The following AP5Z1 variants were observed in gnomAD, a reference collection of about 807,000 sequenced individuals.
AP5Z1 encodes the protein AP-5 complex subunit zeta-1.
In AP5Z1, 106 loss-of-function variants were observed where a neutral mutation model predicts 83.0. The observed-to-expected ratio is 1.28, with a 90% CI of 1.09 to 1.50. AP5Z1 has a LOEUF of 1.50. Among genes scored for constraint, AP5Z1 ranks in the 40% most tolerant of loss-of-function variants. The probability of loss-of-function intolerance (pLI) is 0.00; values close to 1 mark genes in which losing one functional copy is unlikely to be tolerated. For synonymous variants in AP5Z1, 751 were observed against 514.1 expected (o/e 1.46, Z -6.23); for missense variants, 1,565 against 1,094.2 (o/e 1.43, Z -6.07).
At position 4,787,671 on chromosome 7, in the gene AP5Z1, T is replaced by C. The variant is rs764872323; in HGVS notation, c.1349T>C (p.Phe450Ser). Residue 450 changes from phenylalanine (F) to serine (S), a missense_variant, in exon 11 of 17, where the codon TTT becomes TCT. Transcript: ENST00000649063. ...AACAGCCCACCCCTCACCTCCGAGT[T>C]TGTGGCGCTCCTCCCGGCCCTGGTG... ...AWNSPPLTSE[F>S]VALLPALVDA... 8.4e-6 allele frequency: 13 copies of C among 1,553,082 alleles called. No individual in the cohort carries two copies. The South Asian group carries it at 1.4e-4, about 17-fold the overall frequency.
intron 11 of AP5Z1, 39 bp from the exon 12 acceptor site, chr7:4,788,115 G>A (rs923351130): frequency 2.0e-6 from 3 of 1,491,548 alleles, no homozygotes; most frequent in Non-Finnish European, 2.7e-6. Flanking sequence ...GAGTGCAGGG[G>A]CCGCATCCCA....
At chr7:4,787,601 A>C (rs1445029397) in intron 10 of AP5Z1, 33 bp from the exon 11 acceptor site, 1 of 1,540,504 alleles carries the variant, frequency 6.5e-7, no homozygotes, top group East Asian at 2.5e-5. Flanking sequence ...CACAGCTCCG[A>C]GCCGTGTCCG....
Position 4,792,290 on chromosome 7 carries a change from C to T in AP5Z1, c.*905C>T, listed in dbSNP as rs1017530609. On this transcript the variant is annotated 3_prime_UTR_variant, in exon 17 of 17. Transcript: ENST00000649063. ...CGCCCCGAGAGCCTCACGCCCCGCC[C>T]CCAGGCTCAAACTCTTCCCCCTCCC... is the stretch of plus-strand genomic sequence containing the variant. 6.6e-6 allele frequency: 1 copy of T among 151,940 alleles called. No individual in the cohort carries two copies. Among genetic ancestry groups the T allele is most frequent in the Non-Finnish European group, 1.5e-5 (1 of 68,024 alleles). The allele number at this position is 151,940 out of a possible 1,614,324, so 9.4% of individuals were successfully genotyped here. A position where few individuals can be genotyped will look rare whatever the true frequency, so the allele number is the denominator to read the frequency against.
intron 7 of AP5Z1, 46 bp downstream of exon 7, chr7:4,785,094 C>A: frequency 6.5e-7 from 1 of 1,549,704 alleles, no homozygotes; most frequent in South Asian, 1.2e-5. Flanking sequence ...GCTCGACGCA[C>A]CTGCTCTGCA....
chr7:4,786,335 G>A lies in AP5Z1; in HGVS notation c.1218G>A (p.Leu406=). 6.2e-7 allele frequency: 1 copy of A among 1,613,958 alleles called. No homozygotes were observed. Among genetic ancestry groups the A allele is most frequent in the Non-Finnish European group, 8.5e-7 (1 of 1,179,854 alleles). Residue 406 remains leucine, a synonymous_variant, in exon 10 of 17, where the codon CTG becomes CTA. Transcript: ENST00000649063. ...TGGAGCAGTTCCACAGCCCCATGCT[G>A]GCCTTTGAATTCATCCAGTTCTGCA... ...IPVEQFHSPM[L]AFEFIQFCRD...
chr7:4,791,239 A>T lies in AP5Z1; in HGVS notation c.2278A>T (p.Met760Leu). The T allele has an allele frequency of 6.2e-7, 1 of 1,612,758 alleles. No homozygotes were observed. Among genetic ancestry groups the T allele is most frequent in the Non-Finnish European group, 8.5e-7 (1 of 1,179,856 alleles). The change falls in exon 17 of 17, where the codon ATG (methionine) becomes TTG (leucine). Residue 760 changes from methionine (M) to leucine (L), a missense_variant. Coordinates refer to ENST00000649063, the MANE Select transcript of AP5Z1 (RefSeq NM_014855.3). ...RATELLTLLKMPSVAQFVLTP... is the reference protein window; with the variant it reads ...RATELLTLLKLPSVAQFVLTP... ...CACAGAGCTGCTGACCCTGCTGAAG[A>T]TGCCTAGCGTGGCCCAGTTTGTGCT...
In AP5Z1 at chr7:4,784,360, C is replaced by T. The variant is rs894028182; in HGVS notation, c.779C>T (p.Thr260Ile). ...CACAGCGGCCCCGAGGGCCCGGGCA[C>T]CCTGGACACAGGTGTGCGGGGTGGG... is the stretch of plus-strand genomic sequence containing the variant. The part of the protein sequence containing the change: ...LLHSGPEGPG[T>I]LDTDDRSEQE... The change falls in exon 6 of 17, where the codon ACC (threonine) becomes ATC (isoleucine). Residue 260 changes from threonine (T) to isoleucine (I), a missense_variant. Thr to Ile is a moderately conservative substitution (Grantham distance 89). Coordinates refer to ENST00000649063, the MANE Select transcript of AP5Z1 (RefSeq NM_014855.3). The T allele has an allele frequency of 2.5e-6, 4 of 1,597,008 alleles. No homozygotes were observed. The African/African-American group carries it at 4.0e-5, about 16-fold the overall frequency.
Position 4,790,540 on chromosome 7 carries a change from C to T in AP5Z1, c.1887C>T (p.Phe629=), listed in dbSNP as rs772647149. 6.2e-6 allele frequency: 10 copies of T among 1,613,134 alleles called. No individual in the cohort carries two copies. The highest frequency in any genetic ancestry group is 7.6e-6 in the Non-Finnish European group (9 of 1,179,858). ...AGCTGGCAAGAGACCTGCTGGAGTT[C>T]CTGGGCAGCGTGAATGGTCTCTGCA... ...VVELARDLLE[F]LGSVNGLCSR... Residue 629 remains phenylalanine (F), a synonymous_variant, in exon 15 of 17, where the codon TTC becomes TTT. Coordinates refer to ENST00000649063, the MANE Select transcript of AP5Z1 (RefSeq NM_014855.3).
chr7:4,778,155 G>T (rs543681251), intron 1 of AP5Z1, among the ~76,000 whole-genome samples: 2 of 152,210 alleles, frequency 1.3e-5, no homozygotes, highest in Admixed American at 1.3e-4. Context: ...AGCCAAGGAG[G>T]TTGAGGCTGC....
Position 4,791,068 on chromosome 7 carries a change from C to G in AP5Z1, c.2154-47C>G, listed in dbSNP as rs376422801. The G allele has an allele frequency of 6.6e-6, 10 of 1,520,034 alleles. No individual in the cohort carries two copies. In the East Asian group the frequency reaches 1.7e-4, roughly 25 times the overall value. 94.2% of individuals were successfully genotyped at this position (1,520,034 alleles called of 1,614,324 possible). On this transcript the variant is annotated intron_variant, in intron 16 of 16. Coordinates refer to ENST00000649063, the MANE Select transcript of AP5Z1 (RefSeq NM_014855.3). ...TGGCCCCTCCACACAGACCCCTGTCCTGGGAGGGGAGCATCTGCAGCTGAC... is the reference window on the plus strand; with the variant it reads ...TGGCCCCTCCACACAGACCCCTGTCGTGGGAGGGGAGCATCTGCAGCTGAC...
rs1418970481 is a variant in AP5Z1 at position 4,787,754 on chromosome 7, G to A, written c.1432G>A (p.Ala478Thr). The change falls in exon 11 of 17, where the codon GCG becomes ACG. Residue 478 changes from alanine (A) to threonine (T), a missense_variant. By Grantham distance (58) the Ala-to-Thr change is moderately conservative. Transcript: ENST00000649063. The stretch of plus-strand genomic sequence containing the variant: ...GCTGCTGGACCTGCCCTGCTTGACG[G>A]CGGTGCTGGACCTGCAGCTCAGGTG... ...HALLDLPCLT[A>T]VLDLQLRSAP... 6.5e-7 allele frequency: 1 copy of A among 1,541,772 alleles called. No individual in the cohort carries two copies. Among genetic ancestry groups the A allele is most frequent in the East Asian group, 2.4e-5 (1 of 41,074 alleles).
intron 13 of AP5Z1, among the ~76,000 whole-genome samples, chr7:4,789,311 G>C (rs987860061): frequency 6.6e-6 from 1 of 152,194 alleles, no homozygotes; most frequent in Admixed American, 6.5e-5. Flanking sequence ...CCCCAGGACA[G>C]GGCAAGTGAG....
In AP5Z1 at chr7:4,775,667, C is replaced by T; in HGVS notation, c.-49C>T. On this transcript the variant is annotated 5_prime_UTR_variant, in exon 1 of 17. Transcript: ENST00000649063. The stretch of plus-strand genomic sequence containing the variant: ...ACCGGGGTGCGGAGCTCCTGGGCTG[C>T]AGCTCCTGGAGTTTCCGAGGTTCGT... 3.1e-6 allele frequency: 5 copies of T among 1,603,886 alleles called. No homozygotes were observed. The highest frequency in any genetic ancestry group is 2.2e-5 in the East Asian group (1 of 44,812).
intron 9 of AP5Z1, 40 bp downstream of exon 9, chr7:4,785,724 T>C (rs754996236): frequency 1.4e-6 from 2 of 1,425,704 alleles, no homozygotes; most frequent in South Asian, 1.5e-5. Context: ...GGGGCTCTGC[T>C]TCTGCCTTTA....
In AP5Z1 at chr7:4,791,360, G is replaced by A. The variant is rs754594403; in HGVS notation, c.2399G>A (p.Arg800Lys). 8 of 1,608,030 alleles carry A rather than the reference G, an allele frequency of 5.0e-6. No individual in the cohort carries two copies. The South Asian group carries it at 6.7e-5, about 13-fold the overall frequency. The change falls in exon 17 of 17, where the codon AGG becomes AAG. Residue 800 changes from arginine (R) to lysine (K), a missense_variant. By Grantham distance (26) the Arg-to-Lys change is conservative. Coordinates refer to ENST00000649063, the MANE Select transcript of AP5Z1 (RefSeq NM_014855.3). ...ALRTVSRLVE[R>K]EAGLMPG ...CGCACGGTCAGCCGGCTGGTGGAGA[G>A]GGAGGCCGGCCTCATGCCAGGGTGA...
chr7:4,788,384 G>T, intron 12 of AP5Z1, 90 bp downstream of exon 12: 1 of 1,414,014 alleles, frequency 7.1e-7, no homozygotes, highest in Non-Finnish European at 9.4e-7. Flanking sequence ...GCCCTAGGCT[G>T]AGGCCAGGGT....
chr7:4,783,519 A>AGGGCCC (rs978840517), intron 4 of AP5Z1, 59 bp downstream of exon 4: 2 of 1,459,836 alleles, frequency 1.4e-6, no homozygotes, highest in African/African-American at 2.9e-5. Context: ...TCCTTCCCTG[A>AGGGCCC]GGGCCCATGG....
chr7:4,784,662 G>C (rs910788124), intron 6 of AP5Z1, among the ~76,000 whole-genome samples: 1 of 152,190 alleles, frequency 6.6e-6, no homozygotes, highest in Non-Finnish European at 1.5e-5. Context: ...AAGGTTGTTG[G>C]AGTGACGCCA....
At position 4,782,669 on chromosome 7, in the gene AP5Z1, G is replaced by A. The variant is rs573691834; in HGVS notation, c.367-647G>A. 2.6e-5 allele frequency among the ~76,000 whole-genome samples: 4 copies of A among 152,246 alleles called. No individual in the cohort carries two copies. In the South Asian group the frequency reaches 8.3e-4, roughly 32 times the overall value. Reference sequence around the variant, plus strand: ...CCCTCACCTCACAGACCTCCTGCAGGCCACCTCCAGGCCTCCGAGATGACC... The same window carrying A: ...CCCTCACCTCACAGACCTCCTGCAGACCACCTCCAGGCCTCCGAGATGACC... On this transcript the variant is annotated intron_variant, in intron 3 of 16. Coordinates refer to ENST00000649063, the MANE Select transcript of AP5Z1 (RefSeq NM_014855.3).
Sources: allele counts gnomAD v4.1 joint callset (sites outside exome capture counted in the v4.1 genomes callset), GRCh38; gene constraint gnomAD v4.1.1; transcripts MANE v1.5; gene names NCBI Gene and HGNC (gene_info 2026-07-23, HGNC 2026-07-21).